The following VPS45 variants were observed in gnomAD, a reference collection of about 807,000 sequenced individuals.
The protein encoded by VPS45 is vacuolar protein sorting 45 homolog.
In VPS45, 35 loss-of-function variants were observed where a neutral mutation model predicts 75.9. The observed-to-expected ratio is 0.46, with a 90% confidence interval of 0.35 to 0.61. VPS45 has a LOEUF of 0.61. VPS45 is among the 20% of genes least tolerant of loss of function. VPS45 has a pLI of 0.00. For synonymous variants in VPS45, 220 were observed against 238.2 expected (o/e 0.92, Z 0.70); for missense variants, 559 against 685.9 (o/e 0.81, Z 2.07).
At chr1:150,128,282 A>G (rs1193247640) in intron 14 of VPS45, among the ~76,000 whole-genome samples, 2 of 142,010 alleles carry the variant, frequency 1.4e-5, no homozygotes, top group Admixed American at 7.5e-5. Context: ...AGCCTGGGTA[A>G]CAGAATGGGA....
chr1:150,104,141 T>TA (rs1657187859), intron 13 of VPS45, among the ~76,000 whole-genome samples: 1 of 152,206 alleles, frequency 6.6e-6, no homozygotes, highest in South Asian at 2.1e-4. Context: ...ACATAGTCTG[T>TA]AACTATCTGG....
intron 13 of VPS45, among the ~76,000 whole-genome samples, chr1:150,107,011 C>G (rs587597219): frequency 4.6e-5 from 7 of 152,316 alleles, no homozygotes; most frequent in Admixed American, 2.0e-4. Context: ...AGTTGGGCCT[C>G]AACCTCTCCC....
chr1:150,138,018 C>T (rs1432395732), intron 14 of VPS45, among the ~76,000 whole-genome samples: 2 of 150,700 alleles, frequency 1.3e-5, no homozygotes, highest in East Asian at 3.9e-4. Context: ...CATCTCATTT[C>T]TGTGTTCTCT....
intron 13 of VPS45, chr1:150,109,844 C>T (rs1657548525): frequency 6.6e-6 from 1 of 152,108 alleles, no homozygotes; most frequent in South Asian, 2.1e-4. Context: ...CAGCTACACT[C>T]ATGGTTTTTT....
At chr1:150,141,744 T>C (rs1373712646) in intron 14 of VPS45, among the ~76,000 whole-genome samples, 1 of 152,138 alleles carries the variant, frequency 6.6e-6, no homozygotes, top group Non-Finnish European at 1.5e-5. Flanking sequence ...TCATATTGGA[T>C]TGTGATTGTG....
At chr1:150,071,984 C>T (rs587683655) in intron 2 of VPS45, among the ~76,000 whole-genome samples, 182 bp from the exon 3 acceptor site, 69 of 151,678 alleles carry the variant, frequency 4.5e-4, no homozygotes, top group African/African-American at 1.5e-3. Flanking sequence ...ATATGATTCC[C>T]GATCATTGTA....
intron 10 of VPS45, among the ~76,000 whole-genome samples, chr1:150,087,888 C>T (rs1470089299): frequency 5.9e-5 from 9 of 152,062 alleles, no homozygotes; most frequent in Non-Finnish European, 1.3e-4. Flanking sequence ...TCAAGCCAGG[C>T]AATCTAAATA....
At position 150,077,167 on chromosome 1, in the gene VPS45, A is replaced by C; in HGVS notation, c.512A>C (p.Lys171Thr). The C allele has an allele frequency of 1.9e-6, 3 of 1,614,122 alleles. No individual in the cohort carries two copies. Among genetic ancestry groups the C allele is most frequent in the Non-Finnish European group, 2.5e-6 (3 of 1,180,004 alleles). Residue 171 changes from lysine to threonine, a missense_variant, in exon 6 of 15, where the codon AAG (lysine) becomes ACG (threonine). Lys to Thr is a moderately conservative substitution (Grantham distance 78, BLOSUM62 -1). Coordinates refer to ENST00000644510, the MANE Select transcript of VPS45 (RefSeq NM_007259.5). ...ACAGCTCTCCTTTTATCTCTGAAGAAGTGTCCCATGATTCGTTATCAGCTC... is the reference window on the plus strand; with the variant it reads ...ACAGCTCTCCTTTTATCTCTGAAGACGTGTCCCATGATTCGTTATCAGCTC... ...GLTALLLSLK[K>T]CPMIRYQLSS...
chr1:150,085,753 T>G (rs1368507689), intron 10 of VPS45, among the ~76,000 whole-genome samples: 2 of 152,058 alleles, frequency 1.3e-5, no homozygotes, highest in Non-Finnish European at 2.9e-5. Context: ...AAGCATGTAT[T>G]GCTAAAAGTT....
At position 150,067,864 on chromosome 1, in the gene VPS45, G is replaced by C; in HGVS notation, c.7G>C (p.Val3Leu). 1 of 1,614,080 alleles carries C rather than the reference G, an allele frequency of 6.2e-7. No homozygotes were observed. The highest frequency in any genetic ancestry group is 8.5e-7 in the Non-Finnish European group (1 of 1,179,926). MN[V>L]VFAVKQYISK... ...TACTTGTCAATTCGCCGCCATGAAC[G>C]TGGTTTTTGCTGTGAAGCAGTACAT... The change falls in exon 1 of 15, where the codon GTG (valine) becomes CTG (leucine). Residue 3 changes from valine (V) to leucine (L), a missense_variant. Physicochemically the swap from Val to Leu is conservative, Grantham distance 32. Coordinates refer to ENST00000644510, the MANE Select transcript of VPS45 (RefSeq NM_007259.5).
Position 150,092,145 on chromosome 1 carries a change from A to G in VPS45, c.1263+50A>G, listed in dbSNP as rs370311796. The G allele has an allele frequency of 8.9e-6, 14 of 1,579,008 alleles. No individual in the cohort carries two copies. The East Asian group carries it at 1.8e-4, about 20-fold the overall frequency. On this transcript the variant is annotated intron_variant, in intron 11 of 14. Coordinates refer to ENST00000644510, the MANE Select transcript of VPS45 (RefSeq NM_007259.5). The stretch of plus-strand genomic sequence containing the variant: ...CCAAACAGGAACCAACTCTGTTATT[A>G]TATTCTTAGCTCTAACGAATGATAA...
chr1:150,070,575 G>T (rs1438895911), intron 2 of VPS45, among the ~76,000 whole-genome samples: 1 of 151,410 alleles, frequency 6.6e-6, no homozygotes, highest in Non-Finnish European at 1.5e-5. Flanking sequence ...GGCGGATCAC[G>T]AGGTCAGGAG....
chr1:150,099,889 G>A (rs1034406491), intron 13 of VPS45, among the ~76,000 whole-genome samples: 1 of 149,678 alleles, frequency 6.7e-6, no homozygotes, highest in Non-Finnish European at 1.5e-5. Context: ...ACATCATACT[G>A]AATGGGCAAA....
At chr1:150,091,278 G>T (rs1553801888) in intron 10 of VPS45, among the ~76,000 whole-genome samples, 1 of 152,114 alleles carries the variant, frequency 6.6e-6, no homozygotes, top group Non-Finnish European at 1.5e-5. Context: ...TTGTTGACTT[G>T]AATTAAATTA....
At chr1:150,131,106 C>T (rs11806879) in intron 14 of VPS45, among the ~76,000 whole-genome samples, 9,289 of 152,120 alleles carry the variant, frequency 0.061, 407 homozygotes, top group Non-Finnish European at 0.091. Flanking sequence ...ACTAAACTGC[C>T]GGCCAGAAAA....
intron 4 of VPS45, chr1:150,076,521 T>C (rs1199330809): frequency 6.2e-6 from 3 of 486,772 alleles, no homozygotes; most frequent in African/African-American, 2.0e-5. Flanking sequence ...AGGTGATAAA[T>C]GAATAAAAAG....
At chr1:150,074,147 T>C (rs1353340050) in intron 3 of VPS45, among the ~76,000 whole-genome samples, 1 of 151,902 alleles carries the variant, frequency 6.6e-6, no homozygotes, top group Non-Finnish European at 1.5e-5. Flanking sequence ...CCCGAGTAGC[T>C]AGGATTACAG....
chr1:150,101,211 T>C (rs192203682), intron 13 of VPS45, among the ~76,000 whole-genome samples: 9 of 147,206 alleles, frequency 6.1e-5, no homozygotes, highest in African/African-American at 2.3e-4. Flanking sequence ...GAGGTTGCTG[T>C]GAGCCGAGAT....
rs181496077 is a variant in VPS45 at position 150,077,606 on chromosome 1, A to G, written c.577-63A>G. ...TAAATGTAGTGTTTATTAATTTCCT[A>G]TTTATATCATTTCTATATGTAACTA... On this transcript the variant is annotated intron_variant, in intron 6 of 14. Coordinates refer to ENST00000644510, the MANE Select transcript of VPS45 (RefSeq NM_007259.5). The G allele has an allele frequency of 1.8e-3, 2,067 of 1,138,852 alleles. 4 individuals are homozygous for G. The highest frequency in any genetic ancestry group is 2.3e-3 in the Non-Finnish European group (1,776 of 758,136). The allele number at this position is 1,138,852 out of a possible 1,614,324, so 70.5% of individuals were successfully genotyped here.
Sources: allele counts gnomAD v4.1 joint callset (sites outside exome capture counted in the v4.1 genomes callset), GRCh38; gene constraint gnomAD v4.1.1; transcripts MANE v1.5; gene names NCBI Gene and HGNC (gene_info 2026-07-23, HGNC 2026-07-21).